Variants in DLGAP2 observed in about 807,000 individuals in gnomAD.
The protein encoded by DLGAP2 is disks large-associated protein 2.
A neutral mutation model predicts 100.3 loss-of-function variants in DLGAP2; 26 were observed. That is an observed-to-expected ratio of 0.26 (90% confidence interval 0.19 to 0.36). The LOEUF (loss-of-function observed/expected upper bound fraction) is 0.36. DLGAP2 is among the 10% of genes least tolerant of loss of function. The pLI is 1.00. For missense variants in DLGAP2, 1,858 were observed against 1,453.2 expected (o/e 1.28, Z -4.53); for synonymous variants, 886 against 630.1 (o/e 1.41, Z -6.08).
At chr8:990,351 C>T (rs1584952451) in intron 2 of DLGAP2, among the ~76,000 whole-genome samples, 1 of 137,034 alleles carries the variant, frequency 7.3e-6, no homozygotes, top group Non-Finnish European at 1.6e-5. Flanking sequence ...GTTCTTCTCT[C>T]CCTCCTTGCC....
At chr8:1,433,113 G>C (rs1472841324) in intron 3 of DLGAP2, among the ~76,000 whole-genome samples, 1 of 152,210 alleles carries the variant, frequency 6.6e-6, no homozygotes, top group Non-Finnish European at 1.5e-5. Context: ...TCCCCAGTGT[G>C]TGGGTGGGAG....
chr8:1,538,782 G>T (rs1801246038), intron 4 of DLGAP2, among the ~76,000 whole-genome samples: 1 of 152,034 alleles, frequency 6.6e-6, no homozygotes, highest in Non-Finnish European at 1.5e-5. Flanking sequence ...CAGAACTCCA[G>T]AGAGTCACGC....
intron 3 of DLGAP2, among the ~76,000 whole-genome samples, chr8:1,347,508 A>G (rs967855190): frequency 6.6e-6 from 1 of 152,070 alleles, no homozygotes; most frequent in East Asian, 1.9e-4. Flanking sequence ...TTCATTTCCC[A>G]CATAGAGCTA....
At chr8:1,519,535 A>G (rs1177912944) in intron 4 of DLGAP2, among the ~76,000 whole-genome samples, 1 of 152,218 alleles carries the variant, frequency 6.6e-6, no homozygotes, top group Non-Finnish European at 1.5e-5. Flanking sequence ...TTCGTTAGAG[A>G]GGCACAAGCT....
intron 2 of DLGAP2, among the ~76,000 whole-genome samples, chr8:1,136,300 T>TA (rs5888821): frequency 0.027 from 4,121 of 150,942 alleles, 179 homozygotes; most frequent in African/African-American, 0.092. Context: ...TCAAACCTCG[T>TA]AAAAAAAAAC....
intron 2 of DLGAP2, among the ~76,000 whole-genome samples, chr8:1,149,741 C>G (rs566547087): frequency 6.6e-6 from 1 of 152,166 alleles, no homozygotes; most frequent in South Asian, 2.1e-4. Flanking sequence ...TCTTTGTTCT[C>G]CCTTTCTTGC....
chr8:1,319,821 C>G (rs1025453031), intron 3 of DLGAP2, among the ~76,000 whole-genome samples: 1 of 152,138 alleles, frequency 6.6e-6, no homozygotes, highest in African/African-American at 2.4e-5. Context: ...GATCACATGC[C>G]AGACAATGGC....
chr8:813,147 A>C (rs1031349404), intron 1 of DLGAP2, among the ~76,000 whole-genome samples: 3 of 152,228 alleles, frequency 2.0e-5, no homozygotes, highest in African/African-American at 7.2e-5. Flanking sequence ...AACAAAATGC[A>C]ACATAAAATT....
At chr8:1,423,269 T>C (rs1446627881) in intron 3 of DLGAP2, among the ~76,000 whole-genome samples, 4 of 151,846 alleles carry the variant, frequency 2.6e-5, no homozygotes, top group Admixed American at 2.6e-4. Context: ...ACAGCTCTTA[T>C]CACTCCCTGA....
rs549768261 is a variant in DLGAP2, at chr8:1,555,480, C to T, written c.1230+5797C>T. 5.3e-5 allele frequency among the ~76,000 whole-genome samples: 8 copies of T among 152,336 alleles called. No homozygotes were observed. The South Asian group carries it at 8.3e-4, about 16-fold the overall frequency. On this transcript the variant is annotated intron_variant, in intron 5 of 14. Transcript: ENST00000637795. ...CTGCCTCTGGGCCACCGCTTCCCCC[C>T]GGCCCCGACTGCCACAGAATCCTCT... is the stretch of plus-strand genomic sequence containing the variant.
intron 12 of DLGAP2, among the ~76,000 whole-genome samples, chr8:1,689,726 T>G (rs1373696536): frequency 1.3e-5 from 2 of 152,126 alleles, no homozygotes; most frequent in African/African-American, 4.8e-5. Flanking sequence ...GGCCCCACCT[T>G]GAAGGGCCCA....
chr8:773,291 C>T (rs943786241), intron 1 of DLGAP2, among the ~76,000 whole-genome samples: 2 of 151,700 alleles, frequency 1.3e-5, no homozygotes, highest in Non-Finnish European at 2.9e-5. Flanking sequence ...GGATCAGGGC[C>T]CCATCCTCAT....
chr8:1,446,304 A>C (rs998868420), intron 3 of DLGAP2, among the ~76,000 whole-genome samples: 53 of 152,098 alleles, frequency 3.5e-4, no homozygotes, highest in African/African-American at 5.3e-4. Context: ...TCAGCTTTCT[A>C]CATATGGCTA....
At position 1,330,550 on chromosome 8, in the gene DLGAP2, G is replaced by A. The variant is rs549872587; in HGVS notation, c.106+71667G>A. Among the ~76,000 whole-genome samples, 11 of 142,012 alleles carry A rather than the reference G, an allele frequency of 7.7e-5. No homozygotes were observed. The South Asian group carries it at 1.9e-3, about 24-fold the overall frequency. The allele number at this position is 142,012 out of a possible 152,430, so 93.2% of individuals were successfully genotyped here. On this transcript the variant is annotated intron_variant, in intron 3 of 14. Transcript: ENST00000637795. ...GGGTGGGACTGAGTTCTGGGTGGGA[G>A]CACCGCTTCACAGGGACTGAGTTCT...
At chr8:1,090,417 C>A (rs575255837) in intron 2 of DLGAP2, among the ~76,000 whole-genome samples, 1 of 152,372 alleles carries the variant, frequency 6.6e-6, no homozygotes, top group East Asian at 1.9e-4. Context: ...CTGGGGCCCT[C>A]CTGGCCAGGC....
chr8:1,154,590 G>T (rs1446881515), intron 2 of DLGAP2, among the ~76,000 whole-genome samples: 1 of 150,672 alleles, frequency 6.6e-6, no homozygotes, highest in African/African-American at 2.4e-5. Flanking sequence ...TTCTTTCATC[G>T]CAATCACAAG....
At chr8:829,870 C>G (rs1796749867) in intron 1 of DLGAP2, among the ~76,000 whole-genome samples, 2 of 152,128 alleles carry the variant, frequency 1.3e-5, no homozygotes, top group South Asian at 4.2e-4. Context: ...GTGTTCATAG[C>G]CATGAGGTTC....
chr8:1,577,798 G>A (rs113552618), intron 6 of DLGAP2, among the ~76,000 whole-genome samples: 2,134 of 152,228 alleles, frequency 0.014, 34 homozygotes, highest in African/African-American at 0.041. Context: ...CACACAGCAT[G>A]CTGGGGAACG....
chr8:1,539,698 AG>A (rs1484789340), intron 4 of DLGAP2, among the ~76,000 whole-genome samples: 3 of 152,030 alleles, frequency 2.0e-5, no homozygotes, highest in African/African-American at 7.3e-5. Flanking sequence ...TCCTGTTTGG[AG>A]GATGCCGACA....
Sources: allele counts gnomAD v4.1 joint callset (sites outside exome capture counted in the v4.1 genomes callset), GRCh38; gene constraint gnomAD v4.1.1; transcripts MANE v1.5; gene names NCBI Gene and HGNC (gene_info 2026-07-23, HGNC 2026-07-21).